NBEA: variants seen among roughly 807,000 people sequenced by gnomAD.
NBEA encodes the protein neurobeachin, also known as lysosomal-trafficking regulator 2.
A neutral mutation model predicts 343.4 loss-of-function variants in NBEA; 44 were observed. The observed-to-expected ratio is 0.13, with a 90% CI of 0.10 to 0.16. The LOEUF is 0.16. Ranked by LOEUF, NBEA falls within the 10% of genes least tolerant of loss-of-function variation. The pLI is 1.00. For missense variants in NBEA, 2,555 were observed against 3,631.3 expected (o/e 0.70, Z 7.62); for synonymous variants, 1,175 against 1,238.7 (o/e 0.95, Z 1.08).
intron 1 of NBEA, among the ~76,000 whole-genome samples, chr13:35,040,056 T>A (rs1265413699): frequency 2.0e-5 from 3 of 152,134 alleles, no homozygotes; most frequent in African/African-American, 7.2e-5. Flanking sequence ...ATCAATGACT[T>A]CAAATTTGTC....
rs2085418293 is a variant in NBEA, at chr13:35,667,568, C to T, written c.8659C>T (p.Arg2887Trp). The change falls in exon 57 of 59, where the codon CGG becomes TGG. Residue 2887 changes from arginine to tryptophan, a missense_variant and splice_region_variant. This residue lies in a region of NBEA where 186 missense variants were observed against 328.9 expected (regional missense o/e 0.57). Coordinates refer to ENST00000379939, the MANE Select transcript of NBEA (RefSeq NM_001385012.1). ...TCAAATGGAGATCAATGATTCAACACGGGTAAATCTGCATAGTTCGTGCTA... is the reference window on the plus strand; with the variant it reads ...TCAAATGGAGATCAATGATTCAACATGGGTAAATCTGCATAGTTCGTGCTA... ...LAQMEINDST[R>W]AILLSSDGQN... The T allele has an allele frequency of 3.7e-6, 6 of 1,613,268 alleles. No homozygotes were observed. The highest frequency in any genetic ancestry group is 2.2e-5 in the East Asian group (1 of 44,886).
chr13:35,381,722 A>G (rs2042021160), intron 38 of NBEA, among the ~76,000 whole-genome samples: 1 of 152,066 alleles, frequency 6.6e-6, no homozygotes, highest in African/African-American at 2.4e-5. Context: ...TTTTACAAAT[A>G]AGGAAATATA....
At chr13:35,062,146 A>T (rs1251018736) in intron 8 of NBEA, among the ~76,000 whole-genome samples, 3 of 151,782 alleles carry the variant, frequency 2.0e-5, no homozygotes, top group African/African-American at 4.8e-5. Flanking sequence ...AGAAAAATTT[A>T]CTTATAATGA....
intron 41 of NBEA, among the ~76,000 whole-genome samples, chr13:35,521,636 C>G (rs1405422095): frequency 6.6e-6 from 1 of 152,104 alleles, no homozygotes. Context: ...GCTAGAAACC[C>G]AAAAGTCACT....
chr13:35,251,663 C>T (rs73489529), intron 34 of NBEA: 8,631 of 745,584 alleles, frequency 0.012, 144 homozygotes, highest in African/African-American at 0.053. Flanking sequence ...CAGAAAGAGG[C>T]GGCTATCATC....
intron 38 of NBEA, among the ~76,000 whole-genome samples, chr13:35,356,705 G>A (rs2040508725): frequency 6.6e-6 from 1 of 152,048 alleles, no homozygotes. Flanking sequence ...GATCTCTTGT[G>A]TTTCACCATT....
intron 39 of NBEA, among the ~76,000 whole-genome samples, chr13:35,449,758 T>C (rs2046212961): frequency 6.6e-6 from 1 of 152,220 alleles, no homozygotes; most frequent in Non-Finnish European, 1.5e-5. Context: ...AATAATTATC[T>C]ATGGGCCAGT....
At chr13:35,277,457 A>G (rs924544163) in intron 34 of NBEA, among the ~76,000 whole-genome samples, 1 of 151,826 alleles carries the variant, frequency 6.6e-6, no homozygotes, top group Non-Finnish European at 1.5e-5. Context: ...CCCTGTCTCT[A>G]CCAAAAATAC....
intron 41 of NBEA, among the ~76,000 whole-genome samples, chr13:35,491,337 A>T (rs533353051): frequency 2.8e-4 from 42 of 152,014 alleles, no homozygotes; most frequent in Admixed American, 2.8e-3. Context: ...GATCACTCTT[A>T]AATTTATATC....
intron 47 of NBEA, among the ~76,000 whole-genome samples, chr13:35,598,315 T>A (rs1023358238): frequency 3.3e-5 from 5 of 152,204 alleles, no homozygotes; most frequent in African/African-American, 1.2e-4. Flanking sequence ...TTACCCAGAC[T>A]GCAGGGACAG....
chr13:35,255,477 TC>T (rs2032481626), intron 34 of NBEA, among the ~76,000 whole-genome samples: 1 of 152,204 alleles, frequency 6.6e-6, no homozygotes, highest in South Asian at 2.1e-4. Context: ...AAGCGCAGGT[TC>T]CGGCCACTGT....
chr13:35,162,048 C>A, intron 23 of NBEA, 81 bp downstream of exon 23: 5 of 1,149,890 alleles, frequency 4.3e-6, no homozygotes, highest in Non-Finnish European at 6.0e-6. Flanking sequence ...TTGACAAAAC[C>A]AAAAATCTGC....
chr13:35,014,549 A>G (rs1239052542), intron 1 of NBEA, among the ~76,000 whole-genome samples: 1 of 152,196 alleles, frequency 6.6e-6, no homozygotes, highest in Non-Finnish European at 1.5e-5. Flanking sequence ...AAACTGATGT[A>G]CCTAGCTCAC....
chr13:35,642,183 TG>T (rs2083993566), intron 49 of NBEA, among the ~76,000 whole-genome samples: 1 of 152,192 alleles, frequency 6.6e-6, no homozygotes, highest in Admixed American at 6.5e-5. Flanking sequence ...GTATGAAATA[TG>T]TAAGACTCAT....
At chr13:34,970,692 G>A (rs1181836996) in intron 1 of NBEA, among the ~76,000 whole-genome samples, 1 of 152,032 alleles carries the variant, frequency 6.6e-6, no homozygotes, top group East Asian at 1.9e-4. Flanking sequence ...GATAGTGGTA[G>A]GTGTGCATCA....
chr13:35,203,057 T>C (rs2073129994), intron 31 of NBEA, among the ~76,000 whole-genome samples: 1 of 152,168 alleles, frequency 6.6e-6, no homozygotes, highest in Admixed American at 6.5e-5. Context: ...AGTATTGTAG[T>C]CTCCTAGCCA....
chr13:35,484,358 G>A (rs985090818), intron 41 of NBEA, among the ~76,000 whole-genome samples: 1 of 148,582 alleles, frequency 6.7e-6, no homozygotes, highest in African/African-American at 2.5e-5. Context: ...TAAATTTTTT[G>A]CAACCTTAAC....
At chr13:35,525,160 A>G (rs138366497) in intron 41 of NBEA, among the ~76,000 whole-genome samples, 2,155 of 152,350 alleles carry the variant, frequency 0.014, 174 homozygotes, top group Admixed American at 0.12. Flanking sequence ...ATATTTACTT[A>G]CCTTGCTTTA....
intron 41 of NBEA, among the ~76,000 whole-genome samples, chr13:35,507,378 C>T (rs1050024274): frequency 1.3e-5 from 2 of 152,010 alleles, no homozygotes; most frequent in African/African-American, 4.8e-5. Context: ...ATACTGAAAA[C>T]TCCAAAATTT....
Sources: gnomAD v4.1 joint callset for allele counts (sites outside exome capture counted in the v4.1 genomes callset) on GRCh38, gnomAD v4.1.1 for gene constraint, gnomAD v4.1.1 regional missense constraint, MANE v1.5 for transcripts, NCBI Gene and HGNC (gene_info 2026-07-23, HGNC 2026-07-21) for gene names.